The following GEMIN7 variants were observed in gnomAD, a reference collection of about 807,000 sequenced individuals.
The protein encoded by GEMIN7 is gem-associated protein 7.
Under a neutral mutation model 7.8 loss-of-function variants are expected in GEMIN7, and 7 were observed. The observed-to-expected ratio is 0.90, with a 90% CI of 0.51 to 1.69. GEMIN7 has a LOEUF of 1.69. Among genes scored for constraint, GEMIN7 ranks in the 40% most tolerant of loss-of-function variants. The pLI is 0.00. For missense variants in GEMIN7, 159 were observed against 176.2 expected, an observed-to-expected ratio of 0.90 and a Z score of 0.55; for synonymous variants, 68 against 72.4, an observed-to-expected ratio of 0.94 and a Z score of 0.31.
chr19:45,076,064 C>CG, upstream of GEMIN7: 1 of 1,579,330 alleles, frequency 6.3e-7, no homozygotes. The surrounding 1 kb of genome is among the most constrained non-coding windows in gnomAD (Gnocchi z 4.9). Flanking sequence ...GCCCAGGGCC[C>CG]GGGGTGCTCA....
chr19:45,088,085 A>G (rs1268187151), intron 2 of GEMIN7, among the ~76,000 whole-genome samples: 1 of 150,828 alleles, frequency 6.6e-6, no homozygotes, highest in Non-Finnish European at 1.5e-5. Context: ...AGCTGGGATT[A>G]CAGGTGCCCG....
upstream of GEMIN7, chr19:45,075,947 A>G: frequency 6.3e-7 from 1 of 1,594,224 alleles, no homozygotes; most frequent in Admixed American, 1.7e-5. Flanking sequence ...ACCGAAGGTC[A>G]GAAGGGGGCC....
intron 2 of GEMIN7, among the ~76,000 whole-genome samples, chr19:45,083,244 T>C (rs1010848167): frequency 6.6e-6 from 1 of 152,198 alleles, no homozygotes; most frequent in Non-Finnish European, 1.5e-5. Context: ...GACCAGGAGA[T>C]GTAGACCAGC....
intron 2 of GEMIN7, among the ~76,000 whole-genome samples, chr19:45,084,213 C>CAA (rs35661833): frequency 0.012 from 920 of 74,248 alleles, 28 homozygotes; most frequent in African/African-American, 0.033. Context: ...CTCCATCTCA[C>CAA]AAAAAAAAAA....
rs1323286653 is a variant in GEMIN7, at chr19:45,087,571, C to T, written c.-8-2536C>T. ...GGAGATACAGGCAGATACAGGGAAC[C>T]GAAAGTGCAAGAGCCCAAGAAGGGA... On this transcript the variant is annotated intron_variant, in intron 2 of 2. Transcript: ENST00000270257. Among the ~76,000 whole-genome samples, 3 of 152,092 alleles carry T rather than the reference C, an allele frequency of 2.0e-5. 1 individual carries two copies. Among genetic ancestry groups the T allele is most frequent in the South Asian group, 4.1e-4 (2 of 4,822 alleles).
chr19:45,077,959 G>T (rs1967388894), upstream of GEMIN7, among the ~76,000 whole-genome samples: 1 of 151,810 alleles, frequency 6.6e-6, no homozygotes, highest in Admixed American at 6.6e-5. Context: ...GAAACTCTTG[G>T]CTTGAAGCGC....
At chr19:45,088,532 GCC>G (rs1967779647) in intron 2 of GEMIN7, 1 of 151,904 alleles carries the variant, frequency 6.6e-6, no homozygotes, top group African/African-American at 2.4e-5. Context: ...TTACCATGTT[GCC>G]CAGGCTGCTC....
upstream of GEMIN7, chr19:45,076,500 T>C (rs1019176190): frequency 4.5e-6 from 3 of 667,912 alleles, no homozygotes; most frequent in Non-Finnish European, 6.2e-6. The surrounding 1 kb of genome is among the most constrained non-coding windows in gnomAD (Gnocchi z 4.9). Flanking sequence ...CCGCGAACTC[T>C]TACACGTGCT....
intron 2 of GEMIN7, among the ~76,000 whole-genome samples, chr19:45,084,425 CAG>C (rs1967609463): frequency 6.6e-6 from 1 of 151,942 alleles, no homozygotes. Flanking sequence ...TATTTTGAGA[CAG>C]AGTCTCGCTG....
At chr19:45,076,526 T>C (rs1027787461), upstream of GEMIN7, 2 of 513,154 alleles carry the variant, frequency 3.9e-6, no homozygotes, top group Middle Eastern at 6.0e-4. The surrounding 1 kb of genome is among the most constrained non-coding windows in gnomAD (Gnocchi z 4.9). Context: ...GGCCCGTGGC[T>C]CCGCCTACCA....
At chr19:45,082,558 G>T (rs949290606) in intron 2 of GEMIN7, among the ~76,000 whole-genome samples, 3 of 152,256 alleles carry the variant, frequency 2.0e-5, no homozygotes, top group Middle Eastern at 3.4e-3. Context: ...GCCCAATGTG[G>T]GTCATGCACA....
rs951795738 is a variant in GEMIN7 at position 45,090,640 on chromosome 19, A to G, written c.*130A>G. The G allele has an allele frequency of 6.0e-6, 5 of 832,960 alleles. No homozygotes were observed. In the Admixed American group the frequency reaches 8.3e-5, roughly 14 times the overall value. 51.6% of individuals were successfully genotyped at this position (832,960 alleles called of 1,614,324 possible). A position where few individuals can be genotyped will look rare whatever the true frequency, so the allele number is the denominator to read the frequency against. ...TGGAATTTTGAGCCAAGCTTTAAGC[A>G]AGTCTGGACTCCTGAGACCTCCTGG... On this transcript the variant is annotated 3_prime_UTR_variant, in exon 3 of 3. Transcript: ENST00000270257.
At chr19:45,088,351 G>A (rs913763445) in intron 2 of GEMIN7, among the ~76,000 whole-genome samples, 1 of 151,974 alleles carries the variant, frequency 6.6e-6, no homozygotes, top group Non-Finnish European at 1.5e-5. Flanking sequence ...CTAAGACAAA[G>A]TCTCACTCTT....
intron 2 of GEMIN7, among the ~76,000 whole-genome samples, chr19:45,084,557 C>A (rs1450223187): frequency 6.6e-6 from 1 of 151,900 alleles, no homozygotes; most frequent in Non-Finnish European, 1.5e-5. Context: ...TGTGTGCCAC[C>A]ATGCCTGGCT....
At chr19:45,083,010 CATTT>C (rs1363954260) in intron 2 of GEMIN7, among the ~76,000 whole-genome samples, 3 of 152,134 alleles carry the variant, frequency 2.0e-5, no homozygotes, top group Admixed American at 1.3e-4. Flanking sequence ...CAGCCATGTT[CATTT>C]GTTTCCATAT....
At chr19:45,080,710 G>T (rs560897626) in intron 2 of GEMIN7, among the ~76,000 whole-genome samples, 1 of 150,200 alleles carries the variant, frequency 6.7e-6, no homozygotes, top group South Asian at 2.1e-4. Context: ...AGCTTCACTG[G>T]CCACTTTACA....
chr19:45,077,228 A>G (rs117371867), upstream of GEMIN7, among the ~76,000 whole-genome samples: 136 of 152,316 alleles, frequency 8.9e-4, 1 homozygote, highest in East Asian at 0.02. Context: ...TGATCGCTTT[A>G]AGGTCTTTTG....
rs111263549 is a variant in GEMIN7, at chr19:45,081,964, T to C, written c.-9+1935T>C. ...AGCCTAATCTGACCACTTCTCCCCA[T>C]TCCCATTGTCCCCAGCCCATACTAG... is the stretch of plus-strand genomic sequence containing the variant. On this transcript the variant is annotated intron_variant, in intron 2 of 2. Coordinates refer to ENST00000270257, the MANE Select transcript of GEMIN7 (RefSeq NM_024707.3). Among the ~76,000 whole-genome samples, 94 of 152,162 alleles carry C rather than the reference T, an allele frequency of 6.2e-4. 4 individuals are homozygous for C. Among genetic ancestry groups the C allele is most frequent in the African/African-American group, 2.2e-3 (93 of 41,536 alleles).
At chr19:45,076,460 C>T (rs1050861699), upstream of GEMIN7, 50 of 1,036,400 alleles carry the variant, frequency 4.8e-5, 1 homozygote, top group Middle Eastern at 7.0e-4. This position sits in a 1 kb window ranked among gnomAD's most constrained non-coding sequence, Gnocchi z 4.9. Flanking sequence ...GCGGACCGTG[C>T]GCGCTCAGGT....
Sources: gnomAD v4.1 joint callset for allele counts (sites outside exome capture counted in the v4.1 genomes callset) on GRCh38, gnomAD v4.1.1 for gene constraint, Gnocchi (gnomAD v3.1) non-coding constraint, MANE v1.5 for transcripts, NCBI Gene and HGNC (gene_info 2026-07-23, HGNC 2026-07-21) for gene names.